ENOX2: variants seen among roughly 807,000 people sequenced by gnomAD.
The protein encoded by ENOX2 is APK1 antigen.
A neutral mutation model predicts 45.0 loss-of-function variants in ENOX2; 36 were observed. That is an observed-to-expected ratio of 0.80 (90% CI 0.61 to 1.06). ENOX2 has a LOEUF of 1.06. Ranked by LOEUF, ENOX2 falls within the 50% of genes least tolerant of loss-of-function variation. The probability of loss-of-function intolerance (pLI) is 0.00; values close to 1 mark genes in which losing one functional copy is unlikely to be tolerated. For missense variants in ENOX2, 423 were observed against 462.5 expected (o/e 0.91, Z 0.78); for synonymous variants, 174 against 152.3 (o/e 1.14, Z -1.05).
intron 3 of ENOX2, among the ~76,000 whole-genome samples, chrX:130,722,572 G>A (rs1279514249): frequency 8.9e-6 from 1 of 112,144 alleles, no homozygotes; most frequent in Non-Finnish European, 1.9e-5. Context: ...GCTCAGAAAG[G>A]AAGGTTTTGG....
chrX:130,767,969 T>A (rs1487899412), intron 3 of ENOX2, among the ~76,000 whole-genome samples: 1 of 111,640 alleles, frequency 9.0e-6, no homozygotes, highest in African/African-American at 3.3e-5. Context: ...GGGCATGTTT[T>A]AGCAAGGAGT....
At chrX:130,892,072 G>A (rs976624797) in intron 2 of ENOX2, among the ~76,000 whole-genome samples, 1 of 111,577 alleles carries the variant, frequency 9.0e-6, no homozygotes, top group Non-Finnish European at 1.9e-5. Context: ...ATAGCATCTC[G>A]CATAGTACTT....
At chrX:130,873,920 G>T (rs2078648053) in intron 2 of ENOX2, among the ~76,000 whole-genome samples, 1 of 110,610 alleles carries the variant, frequency 9.0e-6, no homozygotes, top group African/African-American at 3.3e-5. Context: ...GGGAGGAATA[G>T]CATTAGGAGA....
chrX:130,785,168 A>G, intron 2 of ENOX2, among the ~76,000 whole-genome samples: 1 of 108,645 alleles, frequency 9.2e-6, no homozygotes, highest in Admixed American at 9.8e-5. Flanking sequence ...TGTACTAAAA[A>G]TACAAAATAA....
chrX:130,670,522 A>C (rs2036958533), intron 6 of ENOX2, among the ~76,000 whole-genome samples: 1 of 110,870 alleles, frequency 9.0e-6, no homozygotes, highest in South Asian at 3.9e-4. Context: ...TCCGTGGGTA[A>C]TAGTATCAAG....
chrX:130,686,969 G>T (rs1433326994), intron 5 of ENOX2, among the ~76,000 whole-genome samples: 1 of 111,738 alleles, frequency 8.9e-6, no homozygotes, highest in Non-Finnish European at 1.9e-5. Flanking sequence ...ACGGAGCCAT[G>T]GGGGAGATAT....
At chrX:130,779,761 C>A (rs1392273087) in intron 3 of ENOX2, among the ~76,000 whole-genome samples, 1 of 111,875 alleles carries the variant, frequency 8.9e-6, no homozygotes, top group Non-Finnish European at 1.9e-5. Context: ...GTGTAAGACA[C>A]CATATCTCTG....
intron 10 of ENOX2, among the ~76,000 whole-genome samples, chrX:130,637,682 G>C (rs1462755022): frequency 9.0e-6 from 1 of 111,392 alleles, no homozygotes; most frequent in East Asian, 2.8e-4. Context: ...TTGAAATGTA[G>C]GAAATAACAG....
chrX:130,730,154 A>G (rs1199907160), intron 3 of ENOX2, among the ~76,000 whole-genome samples: 1 of 112,319 alleles, frequency 8.9e-6, no homozygotes, highest in Non-Finnish European at 1.9e-5. Context: ...TGTCCTCCAC[A>G]TATACGCACA....
chrX:130,688,512 C>T (rs1412746021), intron 5 of ENOX2, among the ~76,000 whole-genome samples: 5 of 112,403 alleles, frequency 4.4e-5, no homozygotes, highest in Non-Finnish European at 9.4e-5. Context: ...CTTCAGACCA[C>T]ACTCTGTCTC....
intron 3 of ENOX2, among the ~76,000 whole-genome samples, chrX:130,752,108 G>A (rs2039235618): frequency 9.0e-6 from 1 of 110,580 alleles, no homozygotes; most frequent in Non-Finnish European, 1.9e-5. Context: ...AATATGTCCC[G>A]GACATGACTC....
chrX:130,870,120 A>C (rs2078550275), intron 2 of ENOX2, among the ~76,000 whole-genome samples: 1 of 111,226 alleles, frequency 9.0e-6, no homozygotes, highest in South Asian at 3.8e-4. Flanking sequence ...CATCACTTCC[A>C]CATGTTGGAA....
chrX:130,874,047 CA>C (rs1023457104), intron 2 of ENOX2, among the ~76,000 whole-genome samples: 1 of 108,473 alleles, frequency 9.2e-6, no homozygotes, highest in Non-Finnish European at 1.9e-5. Context: ...GTATAACAAA[CA>C]AAAAAAAAGA....
At chrX:130,778,554 T>C (rs2039907651) in intron 3 of ENOX2, among the ~76,000 whole-genome samples, 1 of 112,119 alleles carries the variant, frequency 8.9e-6, no homozygotes, top group Non-Finnish European at 1.9e-5. Context: ...GATAAAGTTA[T>C]TTCTCTTCTC....
At position 130,884,178 on chromosome X, in the gene ENOX2, A is replaced by C. The variant is rs140986849; in HGVS notation, c.-183+17506T>G. Among the ~76,000 whole-genome samples, 104 of 112,305 alleles carry C rather than the reference A, an allele frequency of 9.3e-4. 2 individuals are homozygous for C. The East Asian group carries it at 0.025, about 27-fold the overall frequency. ...ATTCATTTAAGTCTAAAGAATGATA[A>C]AAGGGCTTCATATCATCCTCCTTTC... On this transcript the variant is annotated intron_variant, in intron 2 of 14. Transcript: ENST00000394363.
At chrX:130,722,441 G>A (rs759401020) in intron 3 of ENOX2, among the ~76,000 whole-genome samples, 3 of 112,188 alleles carry the variant, frequency 2.7e-5, no homozygotes, top group Admixed American at 9.4e-5. Flanking sequence ...GTGATGTATT[G>A]TATATACACA....
chrX:130,763,900 T>C (rs1322939697), intron 3 of ENOX2, among the ~76,000 whole-genome samples: 1 of 109,899 alleles, frequency 9.1e-6, no homozygotes, highest in Non-Finnish European at 1.9e-5. Flanking sequence ...CTGGCTAGAG[T>C]AGAGAGCTTA....
intron 2 of ENOX2, among the ~76,000 whole-genome samples, chrX:130,826,544 G>A (rs1389044725): frequency 8.9e-6 from 1 of 111,878 alleles, no homozygotes; most frequent in African/African-American, 3.2e-5. Flanking sequence ...TCCTTGTGAA[G>A]AGTGCTGTGC....
chrX:130,688,578 T>C (rs185440469), intron 5 of ENOX2, among the ~76,000 whole-genome samples: 2 of 112,308 alleles, frequency 1.8e-5, no homozygotes, highest in East Asian at 2.8e-4. Flanking sequence ...GATGATGGTG[T>C]TGAGCAATCT....
Sources: allele counts gnomAD v4.1 joint callset (sites outside exome capture counted in the v4.1 genomes callset), GRCh38; gene constraint gnomAD v4.1.1; transcripts MANE v1.5; gene names NCBI Gene and HGNC (gene_info 2026-07-23, HGNC 2026-07-21).